Variants in NTMT1 observed in about 807,000 individuals in gnomAD.
NTMT1 encodes the protein N-terminal Xaa-Pro-Lys N-methyltransferase 1.
In NTMT1, 8 loss-of-function variants were observed where a neutral mutation model predicts 17.5. The observed-to-expected ratio is 0.46, with a 90% CI of 0.27 to 0.82. The LOEUF (loss-of-function observed/expected upper bound fraction) is 0.82. Among genes scored for constraint, NTMT1 ranks in the 40% least tolerant of loss-of-function variants. The probability of loss-of-function intolerance (pLI) is 0.15; values close to 1 mark genes in which losing one functional copy is unlikely to be tolerated. For synonymous variants in NTMT1, 128 were observed against 126.8 expected (o/e 1.01, Z -0.06); for missense variants, 221 against 303.5 (o/e 0.73, Z 2.02).
intron 1 of NTMT1, among the ~76,000 whole-genome samples, chr9:129,610,089 C>A (rs1275960590): frequency 6.7e-6 from 1 of 148,266 alleles, no homozygotes. Flanking sequence ...CTGAGGCTTC[C>A]GTCCTCCATC....
At chr9:129,623,328 A>C (rs1830794672), upstream of NTMT1, among the ~76,000 whole-genome samples, 1 of 26,572 alleles carries the variant, frequency 3.8e-5, no homozygotes, top group African/African-American at 1.4e-4. Flanking sequence ...GCAAGATTCC[A>C]TCTCAAAAAA....
intron 1 of NTMT1, among the ~76,000 whole-genome samples, chr9:129,629,235 A>C (rs1453080272): frequency 6.6e-6 from 1 of 152,182 alleles, no homozygotes; most frequent in Non-Finnish European, 1.5e-5. Context: ...AGGGGCAGGC[A>C]GCCCACCTAA....
At position 129,614,045 on chromosome 9, in the gene NTMT1, G is replaced by GC. The variant is rs1460389860; in HGVS notation, c.-55+4872dup. Among the ~76,000 whole-genome samples the GC allele has an allele frequency of 6.6e-6, 1 of 152,160 alleles. No individual in the cohort carries two copies. Among genetic ancestry groups the GC allele is most frequent in the South Asian group, 2.1e-4 (1 of 4,832 alleles). ...GAAAGGGCTGGGAAGCAGCAGGCTG[G>GC]CCCCCACGTCTCCTGGGCACCCTGC... On this transcript the variant is annotated intron_variant, in intron 1 of 3. Coordinates refer to the NTMT1 transcript ENST00000372486. This position sits in a 1 kb window ranked among gnomAD's most constrained non-coding sequence, Gnocchi z 4.4.
rs761317767 is a variant in NTMT1, at chr9:129,632,919, C to T, written c.162+54C>T. ...GAGGCTGTGGCTCTGGTGGCACTGC[C>T]GAGTCCATGTGGGGTGCCACCTTTT... On this transcript the variant is annotated intron_variant, in intron 2 of 3. Transcript: ENST00000372483. 59 of 1,581,948 alleles carry T rather than the reference C, an allele frequency of 3.7e-5. 1 individual carries two copies. Among genetic ancestry groups the T allele is most frequent in the Middle Eastern group, 3.9e-4 (2 of 5,102 alleles).
chr9:129,630,702 T>A (rs1831117968), intron 1 of NTMT1, among the ~76,000 whole-genome samples: 2 of 152,230 alleles, frequency 1.3e-5, no homozygotes, highest in African/African-American at 4.8e-5. Context: ...TTTGTCAACT[T>A]TGGCGACAGG....
At position 129,635,877 on chromosome 9, in the gene NTMT1, T is replaced by G; in HGVS notation, c.*413T>G. 1 of 206,838 alleles carries G rather than the reference T, an allele frequency of 4.8e-6. No individual in the cohort carries two copies. The highest frequency in any genetic ancestry group is 9.9e-6 in the Non-Finnish European group (1 of 100,898). The allele number at this position is 206,838 out of a possible 1,614,324, so 12.8% of individuals were successfully genotyped here. A position where few individuals can be genotyped will look rare whatever the true frequency, so the allele number is the denominator to read the frequency against. On this transcript the variant is annotated 3_prime_UTR_variant, in exon 4 of 4. Transcript: ENST00000372483. ...TGCTGGGGACTTGAAGACTTCAGTG[T>G]GATCTTTACCTAGGGGAGGGACAGA...
At chr9:129,615,185 C>T (rs181941294) in intron 1 of NTMT1, among the ~76,000 whole-genome samples, 2 of 152,334 alleles carry the variant, frequency 1.3e-5, no homozygotes, top group Non-Finnish European at 2.9e-5. Flanking sequence ...GCTCTGGAGG[C>T]TCCGGCTACG....
At chr9:129,633,011 G>A in intron 2 of NTMT1, 146 bp downstream of exon 2, 2 of 871,952 alleles carry the variant, frequency 2.3e-6, no homozygotes, top group Non-Finnish European at 3.5e-6. Context: ...GAGGAGCTGG[G>A]CTGGGTGGGC....
At chr9:129,609,355 C>A (rs113828209) in intron 1 of NTMT1, among the ~76,000 whole-genome samples, 1,703 of 152,284 alleles carry the variant, frequency 0.011, 10 homozygotes, top group Middle Eastern at 0.02. Context: ...CCCCCTCCCC[C>A]CAACTAGACC....
intron 1 of NTMT1, chr9:129,615,794 T>A: frequency 1.1e-6 from 1 of 913,550 alleles, no homozygotes; most frequent in Non-Finnish European, 1.5e-6. Flanking sequence ...CAGCCGGCCT[T>A]AACGGAGCAC....
At chr9:129,615,029 T>A (rs1830285613) in intron 1 of NTMT1, among the ~76,000 whole-genome samples, 1 of 152,258 alleles carries the variant, frequency 6.6e-6, no homozygotes, top group South Asian at 2.1e-4. Flanking sequence ...AGAGAGAAAG[T>A]TTCCGCTTCG....
rs765233612 is a variant in NTMT1, at chr9:129,613,406, G to A, written c.-55+4228G>A. ...GGTGGAGGGCCCTGGCAATGTCCAC[G>A]AGTCCCATCCGCTTCCCTGGAGCCT... On this transcript the variant is annotated intron_variant, in intron 1 of 3. Transcript: ENST00000372486. The surrounding 1 kb of genome is among the most constrained non-coding windows in gnomAD (Gnocchi z 6.2). 7.5e-6 allele frequency: 12 copies of A among 1,608,896 alleles called. No individual in the cohort carries two copies. Among genetic ancestry groups the A allele is most frequent in the South Asian group, 2.2e-5 (2 of 90,988 alleles).
At chr9:129,630,253 G>C (rs1433363090) in intron 1 of NTMT1, among the ~76,000 whole-genome samples, 1 of 152,100 alleles carries the variant, frequency 6.6e-6, no homozygotes, top group East Asian at 1.9e-4. Flanking sequence ...CAGGTGGATT[G>C]CTTGCAGCCA....
In NTMT1 at chr9:129,620,103, G is replaced by A; in HGVS notation, c.-55+10925G>A. The A allele has an allele frequency of 6.9e-7, 1 of 1,452,192 alleles. No homozygotes were observed. The highest frequency in any genetic ancestry group is 9.1e-7 in the Non-Finnish European group (1 of 1,099,968). The allele number at this position is 1,452,192 out of a possible 1,614,324, so 90.0% of individuals were successfully genotyped here. A position where few individuals can be genotyped will look rare whatever the true frequency, so the allele number is the denominator to read the frequency against. On this transcript the variant is annotated intron_variant, in intron 1 of 3. Coordinates refer to the NTMT1 transcript ENST00000372486. This position sits in a 1 kb window ranked among gnomAD's most constrained non-coding sequence, Gnocchi z 5.8. ...GGCTCCTCGGCGCACTTCTCCTGGA[G>A]CTGGTGCAGGAACTCACGGAACCTG...
chr9:129,630,087 C>G (rs899084181), intron 1 of NTMT1, among the ~76,000 whole-genome samples: 6 of 152,328 alleles, frequency 3.9e-5, no homozygotes, highest in Non-Finnish European at 7.3e-5. Flanking sequence ...CGGGGTGGGC[C>G]TACTGCTTCT....
At chr9:129,634,919 C>G (rs576447210) in intron 3 of NTMT1, 117 of 416,278 alleles carry the variant, frequency 2.8e-4, no homozygotes, top group African/African-American at 2.1e-3. Flanking sequence ...CCAAGCCTGG[C>G]AGGGGTGGGG....
In NTMT1 at chr9:129,632,655, T is replaced by G; in HGVS notation, c.-49T>G. On this transcript the variant is annotated 5_prime_UTR_variant, in exon 2 of 4. Transcript: ENST00000372483. Reference sequence around the variant, plus strand: ...ACGCCCCCTTCCTTACCCAGGAGAGTCGCGGTTGCTGATCGTGGTGCTTGA... The same window carrying G: ...ACGCCCCCTTCCTTACCCAGGAGAGGCGCGGTTGCTGATCGTGGTGCTTGA... The G allele has an allele frequency of 6.3e-7, 1 of 1,591,772 alleles. No homozygotes were observed. Among genetic ancestry groups the G allele is most frequent in the Non-Finnish European group, 8.6e-7 (1 of 1,165,500 alleles).
rs528704776 is a variant in NTMT1, at chr9:129,613,027, C to T, written c.-55+3849C>T. 2.0e-5 allele frequency: 31 copies of T among 1,578,044 alleles called. No homozygotes were observed. In the African/African-American group the frequency reaches 3.6e-4, roughly 19 times the overall value. On this transcript the variant is annotated intron_variant, in intron 1 of 3. Coordinates refer to the NTMT1 transcript ENST00000372486. This position sits in a 1 kb window ranked among gnomAD's most constrained non-coding sequence, Gnocchi z 6.2. ...TCCACTCCCAGCCCCAGCCACTCCA[C>T]CAAACAGGGCTGCTCCCGGAGCCAG...
chr9:129,633,957 GAA>G, intron 2 of NTMT1, 95 bp from the exon 3 acceptor site: 2 of 1,409,664 alleles, frequency 1.4e-6, no homozygotes, highest in South Asian at 2.8e-5. Context: ...CGGAGTCCTG[GAA>G]TCCTGACTTG....
Sources: allele counts gnomAD v4.1 joint callset (sites outside exome capture counted in the v4.1 genomes callset), GRCh38; gene constraint gnomAD v4.1.1; non-coding constraint Gnocchi (gnomAD v3.1); transcripts MANE v1.5; gene names NCBI Gene and HGNC (gene_info 2026-07-23, HGNC 2026-07-21).